Variants in WASF1 observed in about 807,000 individuals in gnomAD.
The protein encoded by WASF1 is actin-binding protein WASF1.
In WASF1, 7 loss-of-function variants were observed where a neutral mutation model predicts 50.5. The observed-to-expected ratio is 0.14, with a 90% CI of 0.08 to 0.26. The LOEUF is 0.26. Among genes scored for constraint, WASF1 ranks in the 10% least tolerant of loss-of-function variants. The pLI, the probability that WASF1 is intolerant of heterozygous loss-of-function variation, is 1.00. For missense variants in WASF1, 470 were observed against 694.7 expected (o/e 0.68, Z 3.64); for synonymous variants, 205 against 244.0 (o/e 0.84, Z 1.49).
Position 110,101,962 on chromosome 6 carries a change from T to G in WASF1, c.1148A>C (p.His383Pro), listed in dbSNP as rs748299783. ...AGGTGCAATTGGAGGAGGAGCTGGG[T>G]GAAGAACTCCAGGGGCAATCTGAAG... ...APLQIAPGVL[H>P]PAPPPIAPPL... Residue 383 changes from histidine to proline, a missense_variant, in exon 10 of 11, where the codon CAC becomes CCC. His to Pro is a moderately conservative substitution (Grantham distance 77, BLOSUM62 -2). Transcript: ENST00000392589. 6.2e-7 allele frequency: 1 copy of G among 1,600,386 alleles called. No homozygotes were observed. The highest frequency in any genetic ancestry group is 2.2e-5 in the East Asian group (1 of 44,742).
At chr6:110,144,160 T>C (rs1235168912) in intron 3 of WASF1, among the ~76,000 whole-genome samples, 1 of 152,218 alleles carries the variant, frequency 6.6e-6, no homozygotes, top group Non-Finnish European at 1.5e-5. Context: ...CCATTCTAAC[T>C]GGTGTGAGAT....
chr6:110,117,078 CG>C (rs1488538478), intron 4 of WASF1, among the ~76,000 whole-genome samples: 1 of 135,750 alleles, frequency 7.4e-6, no homozygotes, highest in Non-Finnish European at 1.5e-5. Flanking sequence ...GCTGAAAATT[CG>C]AAAAAAAAAA....
chr6:110,111,613 GA>G (rs1773560233), intron 5 of WASF1, among the ~76,000 whole-genome samples: 2 of 152,150 alleles, frequency 1.3e-5, no homozygotes, highest in African/African-American at 4.8e-5. Context: ...CATGCTATAT[GA>G]ATGAACCTTG....
intron 4 of WASF1, among the ~76,000 whole-genome samples, chr6:110,114,104 T>C (rs1773688791): frequency 6.6e-6 from 1 of 152,236 alleles, no homozygotes; most frequent in Non-Finnish European, 1.5e-5. Flanking sequence ...CAGTTAGCTC[T>C]AGTGTTGTTA....
chr6:110,122,058 T>A (rs930460309), intron 4 of WASF1, among the ~76,000 whole-genome samples: 12 of 151,776 alleles, frequency 7.9e-5, no homozygotes, highest in African/African-American at 2.7e-4. Flanking sequence ...GGGGGAGGGA[T>A]AGCATTAGGA....
intron 3 of WASF1, among the ~76,000 whole-genome samples, chr6:110,153,256 T>C (rs1010083668): frequency 1.3e-5 from 2 of 152,210 alleles, no homozygotes; most frequent in African/African-American, 4.8e-5. Context: ...TTAACCATTT[T>C]ACATTTCCAC....
intron 5 of WASF1, among the ~76,000 whole-genome samples, chr6:110,109,325 A>G (rs539221507): frequency 6.6e-6 from 1 of 152,306 alleles, no homozygotes; most frequent in African/African-American, 2.4e-5. Context: ...TAGTATTCCC[A>G]GTCACTAGCA....
intron 6 of WASF1, 69 bp downstream of exon 6, chr6:110,108,455 ATGTT>A: frequency 7.0e-7 from 1 of 1,436,678 alleles, no homozygotes; most frequent in East Asian, 2.3e-5. Flanking sequence ...GAAATAAAGA[ATGTT>A]TGGGGATTTA....
At chr6:110,162,558 T>C (rs1174777438) in intron 2 of WASF1, among the ~76,000 whole-genome samples, 1 of 150,946 alleles carries the variant, frequency 6.6e-6, no homozygotes, top group East Asian at 1.9e-4. Flanking sequence ...AATAATTACA[T>C]ACCAGGACCA....
At chr6:110,118,771 T>C (rs1433314572) in intron 4 of WASF1, among the ~76,000 whole-genome samples, 3 of 151,188 alleles carry the variant, frequency 2.0e-5, no homozygotes, top group Non-Finnish European at 2.9e-5. Flanking sequence ...ACACTTATTT[T>C]AAAACTGACC....
intron 3 of WASF1, among the ~76,000 whole-genome samples, chr6:110,133,944 G>A (rs534726875): frequency 7.2e-4 from 110 of 152,300 alleles, no homozygotes; most frequent in African/African-American, 2.6e-3. Flanking sequence ...CTAAGCCAAT[G>A]TCTAGAAGGG....
chr6:110,147,421 G>A (rs960170384), intron 3 of WASF1, among the ~76,000 whole-genome samples: 1 of 151,282 alleles, frequency 6.6e-6, no homozygotes, highest in Non-Finnish European at 1.5e-5. Flanking sequence ...TACTAAAGTC[G>A]AAAATAACAC....
Position 110,108,525 on chromosome 6 carries a change from T to C in WASF1, c.422+3A>G, listed in dbSNP as rs1773424743. On this transcript the variant is annotated splice_donor_region_variant and intron_variant, in intron 6 of 10. Coordinates refer to ENST00000392589, the MANE Select transcript of WASF1 (RefSeq NM_003931.3). ...TAGGGCTACTATTTATTAACCTACC[T>C]ACCTATAAGGAGTGAGTATATTGAG... The C allele has an allele frequency of 6.2e-7, 1 of 1,603,134 alleles. No individual in the cohort carries two copies.
chr6:110,161,984 TAA>T (rs1180424638), intron 2 of WASF1, among the ~76,000 whole-genome samples: 4 of 151,586 alleles, frequency 2.6e-5, no homozygotes, highest in Non-Finnish European at 5.9e-5. Context: ...TAAATAAATC[TAA>T]AGTTTATTAT....
chr6:110,106,929 T>A (rs763628358), intron 7 of WASF1, 148 bp downstream of exon 7: 1 of 615,298 alleles, frequency 1.6e-6, no homozygotes, highest in Admixed American at 3.5e-5. Flanking sequence ...GACTGTGTTC[T>A]TTCTGTGGAG....
chr6:110,137,414 C>A (rs1266372843), intron 3 of WASF1, among the ~76,000 whole-genome samples: 1 of 152,092 alleles, frequency 6.6e-6, no homozygotes, highest in Non-Finnish European at 1.5e-5. Flanking sequence ...AAACCATAGT[C>A]CTCTCTCACT....
At chr6:110,163,465 G>C (rs190745391) in intron 2 of WASF1, among the ~76,000 whole-genome samples, 1 of 151,332 alleles carries the variant, frequency 6.6e-6, no homozygotes, top group East Asian at 1.9e-4. Flanking sequence ...AGAGTGCTAT[G>C]GGGACTTTTT....
chr6:110,118,347 C>CAAAAAA lies in WASF1; in HGVS notation c.134-4893_134-4888dup, dbSNP rs56948481. Among the ~76,000 whole-genome samples, 9 of 7,498 alleles carry CAAAAAA rather than the reference C, an allele frequency of 1.2e-3. 1 individual carries two copies. Among genetic ancestry groups the CAAAAAA allele is most frequent in the Non-Finnish European group, 1.8e-3 (7 of 3,924 alleles). 4.9% of individuals were successfully genotyped at this position (7,498 alleles called of 152,430 possible). A position where few individuals can be genotyped will look rare whatever the true frequency, so the allele number is the denominator to read the frequency against. ...GAAGATCTACCAAGCAAACGGAAAG[C>CAAAAAA]AAAAAAAAAAAAAAAAAAAAAAAAA... On this transcript the variant is annotated intron_variant, in intron 4 of 10. Transcript: ENST00000392589.
chr6:110,154,061 T>C (rs1345490378), intron 3 of WASF1, among the ~76,000 whole-genome samples: 1 of 152,110 alleles, frequency 6.6e-6, no homozygotes, highest in Non-Finnish European at 1.5e-5. Context: ...CAGGAGAAGT[T>C]GTGAACTCTC....
Sources: gnomAD v4.1 joint callset for allele counts (sites outside exome capture counted in the v4.1 genomes callset) on GRCh38, gnomAD v4.1.1 for gene constraint, MANE v1.5 for transcripts, NCBI Gene and HGNC (gene_info 2026-07-23, HGNC 2026-07-21) for gene names.